PCDHGA2: variants seen among roughly 807,000 people sequenced by gnomAD.
PCDHGA2 encodes the protein protocadherin gamma-A2.
PCDHGA2 carries 40 observed loss-of-function variants against 59.2 expected under a neutral mutation model. The observed-to-expected ratio is 0.68, with a 90% CI of 0.52 to 0.88. The LOEUF is 0.88. PCDHGA2 is among the 40% of genes least tolerant of loss of function. The pLI, the probability that PCDHGA2 is intolerant of heterozygous loss-of-function variation, is 0.00. For missense variants in PCDHGA2, 1,226 were observed against 1,204.0 expected (o/e 1.02, Z -0.27); for synonymous variants, 560 against 526.0 (o/e 1.06, Z -0.89).
intron 1 of PCDHGA2, chr5:141,410,296 A>G (rs1424650333): frequency 6.2e-7 from 1 of 1,613,774 alleles, no homozygotes; most frequent in Admixed American, 1.7e-5. Flanking sequence ...CCTTGGCCTT[A>G]ATCTCAGTGC....
chr5:141,486,253 C>G lies in PCDHGA2; in HGVS notation c.2425-8554C>G. On this transcript the variant is annotated intron_variant, in intron 1 of 3. Coordinates refer to ENST00000394576, the MANE Select transcript of PCDHGA2 (RefSeq NM_018915.4). The surrounding 1 kb of genome is among the most constrained non-coding windows in gnomAD (Gnocchi z 5.0). Reference sequence around the variant, plus strand: ...TGACCTCAGAGCTTGGAACCCTCCCCGAGAGTGCAGAACCTGGCACTGTGG... The same window carrying G: ...TGACCTCAGAGCTTGGAACCCTCCCGGAGAGTGCAGAACCTGGCACTGTGG... The G allele has an allele frequency of 6.2e-7, 1 of 1,614,138 alleles. No homozygotes were observed. Among genetic ancestry groups the G allele is most frequent in the East Asian group, 2.2e-5 (1 of 44,866 alleles).
chr5:141,341,909 T>C (rs1757098166), intron 1 of PCDHGA2: 1 of 159,370 alleles, frequency 6.3e-6, no homozygotes, highest in African/African-American at 2.4e-5. Flanking sequence ...TTGTTTTCCT[T>C]AACTTGCATG....
intron 1 of PCDHGA2, chr5:141,419,707 C>G (rs781629810): frequency 6.2e-7 from 1 of 1,613,180 alleles, no homozygotes. Flanking sequence ...AGCCCGGGCT[C>G]TTCAGCCTGG....
At chr5:141,404,615 C>T in intron 1 of PCDHGA2, 5 of 1,614,122 alleles carry the variant, frequency 3.1e-6, no homozygotes, top group Non-Finnish European at 4.2e-6. Flanking sequence ...TGTTTTGGAC[C>T]AGAATGACAA....
rs765185360 is a variant in PCDHGA2, at chr5:141,491,451, C to T, written c.2425-3356C>T. 1.2e-6 allele frequency: 2 copies of T among 1,614,112 alleles called. No individual in the cohort carries two copies. The highest frequency in any genetic ancestry group is 1.1e-5 in the South Asian group (1 of 91,082). On this transcript the variant is annotated intron_variant, in intron 1 of 3. Coordinates refer to ENST00000394576, the MANE Select transcript of PCDHGA2 (RefSeq NM_018915.4). This position sits in a 1 kb window ranked among gnomAD's most constrained non-coding sequence, Gnocchi z 6.9. ...AGTGCTGCAGGCGCCAGGACTCACC[C>T]TCCCCGGACTTCTATAAGCAGTCCA...
intron 1 of PCDHGA2, chr5:141,388,313 T>C: frequency 6.2e-7 from 1 of 1,613,738 alleles, no homozygotes; most frequent in Non-Finnish European, 8.5e-7. Flanking sequence ...TGCAAATAAG[T>C]GAGTCTGCAC....
chr5:141,405,612 C>T, intron 1 of PCDHGA2: 1 of 557,514 alleles, frequency 1.8e-6, no homozygotes, highest in Non-Finnish European at 3.2e-6. Flanking sequence ...ATAACTGGGA[C>T]TACAGGCACG....
At chr5:141,409,897 A>C (rs549955923) in intron 1 of PCDHGA2, 1 of 1,613,086 alleles carries the variant, frequency 6.2e-7, no homozygotes, top group Non-Finnish European at 8.5e-7. Context: ...TGCTGTACCC[A>C]GCTCTGGGTC....
chr5:141,399,332 C>T (rs2093787388), intron 1 of PCDHGA2: 1 of 1,613,994 alleles, frequency 6.2e-7, no homozygotes, highest in Non-Finnish European at 8.5e-7. Flanking sequence ...AAGTTGGTAA[C>T]AGATGGAACC....
rs996353495 is a variant in PCDHGA2, at chr5:141,485,101, T to G, written c.2425-9706T>G. 12 of 1,158,090 alleles carry G rather than the reference T, an allele frequency of 1.0e-5. No individual in the cohort carries two copies. Among genetic ancestry groups the G allele is most frequent in the Non-Finnish European group, 1.4e-5 (11 of 786,830 alleles). The allele number at this position is 1,158,090 out of a possible 1,614,324, so 71.7% of individuals were successfully genotyped here. ...GGAAAGGGAGATAGGTGTCTCCAGC[T>G]GCTGTGGCTGTTTGGGGCGGGTCGG... On this transcript the variant is annotated intron_variant, in intron 1 of 3. Transcript: ENST00000394576. This position sits in a 1 kb window ranked among gnomAD's most constrained non-coding sequence, Gnocchi z 5.7.
chr5:141,343,187 T>C, intron 1 of PCDHGA2: 1 of 553,426 alleles, frequency 1.8e-6, no homozygotes, highest in Non-Finnish European at 2.3e-6. Flanking sequence ...TCCCCAAACA[T>C]ATTGTCTGAT....
chr5:141,371,232 G>A lies in PCDHGA2; in HGVS notation c.2424+29837G>A, dbSNP rs1383557802. On this transcript the variant is annotated intron_variant, in intron 1 of 3. Coordinates refer to ENST00000394576, the MANE Select transcript of PCDHGA2 (RefSeq NM_018915.4). ...GGGCATCAATGCCGAAATCATCTATGCCTTCATCAATATTGGCAAGGAAGT... is the reference window on the plus strand; with the variant it reads ...GGGCATCAATGCCGAAATCATCTATACCTTCATCAATATTGGCAAGGAAGT... 6 of 1,613,918 alleles carry A rather than the reference G, an allele frequency of 3.7e-6. No homozygotes were observed. In the Admixed American group the frequency reaches 6.7e-5, roughly 18 times the overall value.
chr5:141,350,694 C>T (rs1466835442), intron 1 of PCDHGA2: 6 of 1,613,888 alleles, frequency 3.7e-6, no homozygotes, highest in Non-Finnish European at 5.1e-6. Context: ...TCAGCCTTAC[C>T]CGGGGTAAAA....
intron 1 of PCDHGA2, among the ~76,000 whole-genome samples, chr5:141,435,790 A>G (rs1336963117): frequency 2.0e-5 from 3 of 152,168 alleles, no homozygotes; most frequent in African/African-American, 7.2e-5. Flanking sequence ...GCAGGGAAAC[A>G]TAACGTCCCA....
At chr5:141,399,519 G>T (rs1467117930) in intron 1 of PCDHGA2, 14 of 1,613,918 alleles carry the variant, frequency 8.7e-6, no homozygotes, top group Non-Finnish European at 1.2e-5. Context: ...ACCCTCCTGG[G>T]GCCTCCATCG....
intron 1 of PCDHGA2, chr5:141,388,970 A>G (rs1561622326): frequency 6.2e-7 from 1 of 1,613,928 alleles, no homozygotes; most frequent in East Asian, 2.2e-5. Flanking sequence ...AGCTGGGAAC[A>G]CATATTGCTT....
At chr5:141,410,676 T>G in intron 1 of PCDHGA2, 1 of 1,550,692 alleles carries the variant, frequency 6.4e-7, no homozygotes, top group African/African-American at 1.4e-5. Flanking sequence ...TTTCTCATAT[T>G]TTAGGCATAC....
Position 141,398,804 on chromosome 5 carries a change from C to G in PCDHGA2, c.2424+57409C>G, listed in dbSNP as rs1283760076. 9 of 1,613,894 alleles carry G rather than the reference C, an allele frequency of 5.6e-6. No homozygotes were observed. In the South Asian group the frequency reaches 8.8e-5, roughly 16 times the overall value. On this transcript the variant is annotated intron_variant, in intron 1 of 3. Coordinates refer to ENST00000394576, the MANE Select transcript of PCDHGA2 (RefSeq NM_018915.4). ...GGACATCCACCCCTAAGCGGCACCA[C>G]TGAGCTCCGGATCCAGGTAACCGAC... is the stretch of plus-strand genomic sequence containing the variant.
In PCDHGA2 at chr5:141,512,848, G is replaced by C. The variant is rs1362051688; in HGVS notation, c.*1675G>C. The C allele has an allele frequency of 6.6e-6, 1 of 152,216 alleles. No individual in the cohort carries two copies. 9.4% of individuals were successfully genotyped at this position (152,216 alleles called of 1,614,324 possible). ...CCCCGTACTGACTTCTCCTATAAGC[G>C]CTTCTCTTCGCATAGTCACGTAGCT... On this transcript the variant is annotated 3_prime_UTR_variant, in exon 4 of 4. Transcript: ENST00000394576.
Sources: gnomAD v4.1 joint callset for allele counts (sites outside exome capture counted in the v4.1 genomes callset) on GRCh38, gnomAD v4.1.1 for gene constraint, Gnocchi (gnomAD v3.1) non-coding constraint, MANE v1.5 for transcripts, NCBI Gene and HGNC (gene_info 2026-07-23, HGNC 2026-07-21) for gene names.